The following GIN1 variants were observed in gnomAD, a reference collection of about 807,000 sequenced individuals.
GIN1 encodes the protein gypsy retrotransposon integrase 1.
GIN1 carries 41 observed loss-of-function variants against 51.4 expected under a neutral mutation model. The ratio of observed to expected loss-of-function variants is 0.80; its 90% CI spans 0.62 to 1.04. The LOEUF (loss-of-function observed/expected upper bound fraction) is 1.04, where lower values mean the gene tolerates loss of function less well. Among genes scored for constraint, GIN1 ranks in the 50% least tolerant of loss-of-function variants. GIN1 has a pLI of 0.00. For synonymous variants in GIN1, 222 were observed against 206.5 expected (o/e 1.07, Z -0.64); for missense variants, 610 against 612.4 (o/e 1.00, Z 0.04).
chr5:103,105,721 C>T (rs1554196210), intron 3 of GIN1, among the ~76,000 whole-genome samples: 1 of 152,112 alleles, frequency 6.6e-6, no homozygotes, highest in East Asian at 1.9e-4. Context: ...AAACTAGCTT[C>T]TGAAGAAAAA....
rs1277137234 is a variant in GIN1 at position 103,096,816 on chromosome 5, T to C, written c.1019A>G (p.Asn340Ser). 1.9e-6 allele frequency: 3 copies of C among 1,586,282 alleles called. No individual in the cohort carries two copies. Among genetic ancestry groups the C allele is most frequent in the Non-Finnish European group, 2.6e-6 (3 of 1,156,490 alleles). The change falls in exon 7 of 8, where the codon AAC becomes AGC. Residue 340 changes from asparagine to serine, a missense_variant. Coordinates refer to ENST00000399004, the MANE Select transcript of GIN1 (RefSeq NM_017676.2). ...KTTSLGQMEN[N>S]NLDELNKSKI... ...GCTTTTATTTAGTTCATCCAAATTG[T>C]TGTTCTCCATCTACAAGTGTAAAAA...
intron 1 of GIN1, among the ~76,000 whole-genome samples, chr5:103,110,279 G>C (rs970439676): frequency 1.3e-4 from 19 of 151,490 alleles, no homozygotes; most frequent in African/African-American, 4.4e-4. Context: ...ATTCATGAAA[G>C]ACACCATTAA....
intron 7 of GIN1, among the ~76,000 whole-genome samples, chr5:103,088,814 A>G (rs782238494): frequency 3.3e-5 from 5 of 152,114 alleles, no homozygotes; most frequent in Non-Finnish European, 7.4e-5. Context: ...TTATAAAACT[A>G]TTTTTGATAA....
In GIN1 at chr5:103,087,787, T is replaced by C. The variant is rs893440368; in HGVS notation, c.*111A>G. ...AACTATAAAATAAACCTTCAGAATA[T>C]AGTCATTAAGAATGTGTCAAGATAC... On this transcript the variant is annotated 3_prime_UTR_variant, in exon 8 of 8. Transcript: ENST00000399004. 2.7e-5 allele frequency: 15 copies of C among 552,108 alleles called. No individual in the cohort carries two copies. Among genetic ancestry groups the C allele is most frequent in the East Asian group, 5.9e-5 (2 of 34,090 alleles). 34.2% of individuals were successfully genotyped at this position (552,108 alleles called of 1,614,324 possible). A position where few individuals can be genotyped will look rare whatever the true frequency, so the allele number is the denominator to read the frequency against.
At chr5:103,094,870 C>T (rs541980974) in intron 7 of GIN1, among the ~76,000 whole-genome samples, 85 of 152,176 alleles carry the variant, frequency 5.6e-4, no homozygotes, top group African/African-American at 1.8e-3. Context: ...ACAAAGAGAA[C>T]GAAAGCACTT....
chr5:103,111,474 T>C (rs782632904), intron 1 of GIN1, among the ~76,000 whole-genome samples: 14 of 152,168 alleles, frequency 9.2e-5, no homozygotes, highest in Admixed American at 5.2e-4. Flanking sequence ...GGATGGTATC[T>C]GTAGGAAGAC....
chr5:103,089,513 A>G lies in GIN1; in HGVS notation c.1295-1341T>C, dbSNP rs150915100. ...GCTCTGTCACCCAGGCTGGAGTGCA[A>G]TGGCGTGATAACAGCTGACTGCATC... On this transcript the variant is annotated intron_variant, in intron 7 of 7. Coordinates refer to ENST00000399004, the MANE Select transcript of GIN1 (RefSeq NM_017676.2). Among the ~76,000 whole-genome samples, 257 of 151,944 alleles carry G rather than the reference A, an allele frequency of 1.7e-3. 5 individuals are homozygous for G. The highest frequency in any genetic ancestry group is 3.4e-3 in the Middle Eastern group (1 of 294).
At chr5:103,093,945 G>T (rs1323364739) in intron 7 of GIN1, among the ~76,000 whole-genome samples, 2 of 152,152 alleles carry the variant, frequency 1.3e-5, no homozygotes, top group Admixed American at 1.3e-4. Context: ...AGATAAGAAT[G>T]GATAAGAAGT....
At chr5:103,101,961 A>G (rs1787586906) in intron 4 of GIN1, among the ~76,000 whole-genome samples, 1 of 152,190 alleles carries the variant, frequency 6.6e-6, no homozygotes, top group African/African-American at 2.4e-5. Flanking sequence ...CCTTGCCTTC[A>G]TTTACAAAAT....
chr5:103,115,883 G>C (rs1469624659), intron 1 of GIN1, among the ~76,000 whole-genome samples: 1 of 151,928 alleles, frequency 6.6e-6, no homozygotes, highest in Admixed American at 6.6e-5. Context: ...ACAAATAGAG[G>C]GATTCGTCCT....
chr5:103,104,588 G>T lies in GIN1; in HGVS notation c.592C>A (p.Pro198Thr), dbSNP rs781995166. 1.5e-5 allele frequency: 23 copies of T among 1,560,710 alleles called. No individual in the cohort carries two copies. The East Asian group carries it at 3.6e-4, about 24-fold the overall frequency. ...TGGTCCATTATTATTTTCTGAGGAG[G>T]TCCATATAAGAAAAATATATTGATA... ...AIINIFFLYGPPQKIIMDQRD... is the reference protein window; with the variant it reads ...AIINIFFLYGTPQKIIMDQRD... The change falls in exon 4 of 8, where the codon CCT becomes ACT. Residue 198 changes from proline to threonine, a missense_variant. Physicochemically the swap from Pro to Thr is conservative, Grantham distance 38 (BLOSUM62 -1). Transcript: ENST00000399004.
intron 7 of GIN1, among the ~76,000 whole-genome samples, chr5:103,091,199 G>A (rs1787228166): frequency 6.6e-6 from 1 of 152,074 alleles, no homozygotes; most frequent in African/African-American, 2.4e-5. Context: ...GACTCTTGTG[G>A]CCTTACATGT....
intron 7 of GIN1, among the ~76,000 whole-genome samples, chr5:103,092,674 C>T (rs1391575955): frequency 1.6e-5 from 2 of 122,320 alleles, no homozygotes; most frequent in African/African-American, 3.2e-5. Flanking sequence ...TGGACGGGCA[C>T]AATGGCTCAC....
chr5:103,113,080 C>A (rs1787931197), intron 1 of GIN1, among the ~76,000 whole-genome samples: 1 of 152,034 alleles, frequency 6.6e-6, no homozygotes, highest in Admixed American at 6.6e-5. Flanking sequence ...TATTCCATTG[C>A]CACTGCCTTA....
rs1459731299 is a variant in GIN1, at chr5:103,087,525, A to G, written c.*373T>C. On this transcript the variant is annotated 3_prime_UTR_variant, in exon 8 of 8. Coordinates refer to ENST00000399004, the MANE Select transcript of GIN1 (RefSeq NM_017676.2). ...ATTCAGTATTTATCAATTCCATTCAAGGTAGTTCAAACTTACTGTTTAAAT... is the reference window on the plus strand; with the variant it reads ...ATTCAGTATTTATCAATTCCATTCAGGGTAGTTCAAACTTACTGTTTAAAT... 1 of 155,990 alleles carries G rather than the reference A, an allele frequency of 6.4e-6. No individual in the cohort carries two copies. The highest frequency in any genetic ancestry group is 1.4e-5 in the Non-Finnish European group (1 of 70,778). 9.7% of individuals were successfully genotyped at this position (155,990 alleles called of 1,614,324 possible). A position where few individuals can be genotyped will look rare whatever the true frequency, so the allele number is the denominator to read the frequency against.
At chr5:103,088,730 G>A (rs1554194210) in intron 7 of GIN1, among the ~76,000 whole-genome samples, 2 of 152,020 alleles carry the variant, frequency 1.3e-5, no homozygotes, top group Non-Finnish European at 2.9e-5. Context: ...GGAGATTGAG[G>A]TTGCAGTGAG....
chr5:103,104,133 T>C (rs1554196023), intron 4 of GIN1, among the ~76,000 whole-genome samples: 2 of 152,062 alleles, frequency 1.3e-5, no homozygotes, highest in African/African-American at 4.8e-5. Flanking sequence ...TTTGTATTTT[T>C]TGTAGAGATG....
intron 2 of GIN1, among the ~76,000 whole-genome samples, chr5:103,108,070 T>A (rs1022875547): frequency 3.9e-5 from 6 of 152,074 alleles, no homozygotes; most frequent in African/African-American, 1.4e-4. Flanking sequence ...ATTTAATCCA[T>A]TCAGGAAGAT....
intron 3 of GIN1, 73 bp downstream of exon 3, chr5:103,106,643 C>T: frequency 2.2e-6 from 2 of 897,758 alleles, no homozygotes; most frequent in Non-Finnish European, 3.4e-6. Context: ...CAGAATAAAT[C>T]TGGAGAAATA....
Sources: gnomAD v4.1 joint callset for allele counts (sites outside exome capture counted in the v4.1 genomes callset) on GRCh38, gnomAD v4.1.1 for gene constraint, MANE v1.5 for transcripts, NCBI Gene and HGNC (gene_info 2026-07-23, HGNC 2026-07-21) for gene names.